Variants in COX10 observed in about 807,000 individuals in gnomAD.
COX10 encodes cytochrome c oxidase assembly factor heme A:farnesyltransferase COX10, also known as protoheme IX farnesyltransferase, mitochondrial.
A neutral mutation model predicts 37.3 loss-of-function variants in COX10; 27 were observed. The ratio of observed to expected loss-of-function variants is 0.72; its 90% CI spans 0.53 to 1.00. The LOEUF is 1.00. Ranked by LOEUF, COX10 falls within the 50% of genes least tolerant of loss-of-function variation. The probability of loss-of-function intolerance (pLI) is 0.00; values close to 1 mark genes in which losing one functional copy is unlikely to be tolerated. For missense variants in COX10, 475 were observed against 563.2 expected (o/e 0.84, Z 1.59); for synonymous variants, 222 against 229.1 (o/e 0.97, Z 0.28).
intron 1 of COX10, among the ~76,000 whole-genome samples, chr17:14,071,277 CA>C (rs1354798813): frequency 6.6e-6 from 1 of 152,128 alleles, no homozygotes; most frequent in Non-Finnish European, 1.5e-5. Flanking sequence ...GTGAATTGCC[CA>C]GTTCCAGTAG....
At chr17:14,166,651 A>AGG (rs1905291577) in intron 5 of COX10, among the ~76,000 whole-genome samples, 2 of 60,040 alleles carry the variant, frequency 3.3e-5, no homozygotes, top group East Asian at 6.7e-4. Context: ...TCTTCCTCTC[A>AGG]CTCAGGCTGG....
chr17:14,125,554 A>C (rs1263453438), intron 4 of COX10, among the ~76,000 whole-genome samples: 5 of 152,202 alleles, frequency 3.3e-5, no homozygotes, highest in Non-Finnish European at 7.3e-5. Flanking sequence ...AGAGAGGATT[A>C]CAAAGGGAAA....
chr17:14,167,904 C>T (rs574906844), intron 5 of COX10, among the ~76,000 whole-genome samples: 3 of 152,338 alleles, frequency 2.0e-5, no homozygotes, highest in African/African-American at 7.2e-5. Flanking sequence ...CCTCCCAAAT[C>T]TCATGTCCTT....
At chr17:14,091,137 C>G (rs1359216309) in intron 3 of COX10, among the ~76,000 whole-genome samples, 1 of 152,164 alleles carries the variant, frequency 6.6e-6, no homozygotes, top group Non-Finnish European at 1.5e-5. Flanking sequence ...GTCTGCTTTT[C>G]AGTGTCTCTT....
chr17:14,075,048 G>T (rs915774717), intron 2 of COX10, among the ~76,000 whole-genome samples: 2 of 152,094 alleles, frequency 1.3e-5, no homozygotes, highest in Non-Finnish European at 2.9e-5. Context: ...GATGGAAAAG[G>T]GTCATAGAAT....
At chr17:14,092,343 A>G (rs1040175714) in intron 3 of COX10, among the ~76,000 whole-genome samples, 1 of 152,160 alleles carries the variant, frequency 6.6e-6, no homozygotes, top group African/African-American at 2.4e-5. Context: ...ATTTGAAGGT[A>G]TGAGATTTAA....
At chr17:14,155,971 A>C (rs189323230) in intron 4 of COX10, among the ~76,000 whole-genome samples, 1 of 152,216 alleles carries the variant, frequency 6.6e-6, no homozygotes, top group African/African-American at 2.4e-5. Context: ...CAGCAGAGTC[A>C]TGGCACATTA....
chr17:14,165,973 G>A (rs1905272254), intron 5 of COX10, among the ~76,000 whole-genome samples: 1 of 152,212 alleles, frequency 6.6e-6, no homozygotes, highest in Non-Finnish European at 1.5e-5. Context: ...GAGAGGTGAG[G>A]AAACTGCAGA....
intron 3 of COX10, among the ~76,000 whole-genome samples, chr17:14,080,064 G>A (rs984350216): frequency 1.3e-5 from 2 of 151,810 alleles, no homozygotes; most frequent in South Asian, 2.1e-4. Context: ...TTACGTATAC[G>A]TCTTTGTACT....
intron 4 of COX10, among the ~76,000 whole-genome samples, chr17:14,149,952 G>A (rs1904841000): frequency 6.6e-6 from 1 of 152,106 alleles, no homozygotes; most frequent in South Asian, 2.1e-4. Flanking sequence ...GGGAGATGGT[G>A]GGGAAGTGAA....
At chr17:14,181,739 G>A (rs1175549239) in intron 5 of COX10, among the ~76,000 whole-genome samples, 2 of 152,108 alleles carry the variant, frequency 1.3e-5, no homozygotes, top group Non-Finnish European at 2.9e-5. Context: ...AGGAGTAATG[G>A]AGGGATTCAG....
chr17:14,154,263 G>A (rs1904984470), intron 4 of COX10, among the ~76,000 whole-genome samples: 1 of 152,208 alleles, frequency 6.6e-6, no homozygotes, highest in African/African-American at 2.4e-5. Context: ...GTTTAACTAT[G>A]TGTAGGTTCT....
At chr17:14,092,514 CAGTT>C (rs938737207) in intron 3 of COX10, among the ~76,000 whole-genome samples, 5 of 152,066 alleles carry the variant, frequency 3.3e-5, no homozygotes, top group East Asian at 1.9e-4. Context: ...AGTTTGTAAT[CAGTT>C]AGGCCCCTGA....
intron 6 of COX10, among the ~76,000 whole-genome samples, chr17:14,201,515 T>G (rs1906541037): frequency 6.6e-6 from 1 of 152,190 alleles, no homozygotes; most frequent in African/African-American, 2.4e-5. Flanking sequence ...GCAGAAGCAT[T>G]ACTGAAAAAA....
chr17:14,114,622 G>A (rs1280681033), intron 4 of COX10, among the ~76,000 whole-genome samples: 1 of 152,086 alleles, frequency 6.6e-6, no homozygotes, highest in Non-Finnish European at 1.5e-5. Context: ...CTCTGTGAAA[G>A]AAGTCTAGCC....
chr17:14,125,211 A>G (rs543154116), intron 4 of COX10, among the ~76,000 whole-genome samples: 5 of 152,224 alleles, frequency 3.3e-5, no homozygotes, highest in Non-Finnish European at 7.3e-5. Context: ...AGTTTTCAAT[A>G]TGCACTGAAA....
At chr17:14,183,499 T>C (rs1203164867) in intron 5 of COX10, among the ~76,000 whole-genome samples, 2 of 152,188 alleles carry the variant, frequency 1.3e-5, no homozygotes, top group Non-Finnish European at 2.9e-5. Context: ...ATTCCTCTGT[T>C]CTTAATAAAA....
At position 14,102,236 on chromosome 17, in the gene COX10, CA is replaced by C; in HGVS notation, c.620del (p.Asn207IlefsTer12). 6.2e-7 allele frequency: 1 copy of C among 1,613,636 alleles called. No individual in the cohort carries two copies. The highest frequency in any genetic ancestry group is 1.3e-5 in the African/African-American group (1 of 74,996). ...TTGCATCCTGTGCTGCCAACTCCATCAATCAGGTCAGTTTCTCACTTTCATC... is the reference window on the plus strand; with the variant it reads ...TTGCATCCTGTGCTGCCAACTCCATCATCAGGTCAGTTTCTCACTTTCATC... Reference protein sequence around the residue: ...GLASCAANSINQFFEVPFDSN... With the variant: ...GLASCAANSIXQFFEVPFDSN... On this transcript the variant is annotated frameshift_variant, in exon 4 of 7. Coordinates refer to ENST00000261643, the MANE Select transcript of COX10 (RefSeq NM_001303.4). LOFTEE classifies it high-confidence loss of function.
intron 5 of COX10, among the ~76,000 whole-genome samples, chr17:14,161,356 T>C (rs1357740391): frequency 6.6e-6 from 1 of 152,214 alleles, no homozygotes; most frequent in Non-Finnish European, 1.5e-5. Context: ...CACAGGATAG[T>C]AAAATCATGT....
Sources: gnomAD v4.1 joint callset for allele counts (sites outside exome capture counted in the v4.1 genomes callset) on GRCh38, gnomAD v4.1.1 for gene constraint, MANE v1.5 for transcripts, NCBI Gene and HGNC (gene_info 2026-07-23, HGNC 2026-07-21) for gene names.